The following SMYD4 variants were observed in gnomAD, a reference collection of about 807,000 sequenced individuals.
SMYD4 encodes the protein protein-lysine N-methyltransferase SMYD4.
In SMYD4, 68 loss-of-function variants were observed where a neutral mutation model predicts 72.8. That is an observed-to-expected ratio of 0.93 (90% confidence interval 0.77 to 1.14). The LOEUF is 1.14. SMYD4 is among the 50% of genes most tolerant of loss of function. The pLI is 0.00. For missense variants in SMYD4, 984 were observed against 1,003.7 expected (o/e 0.98, Z 0.27); for synonymous variants, 407 against 388.6 (o/e 1.05, Z -0.56).
chr17:1,792,242 C>T (rs1003287856), intron 5 of SMYD4, among the ~76,000 whole-genome samples: 6 of 151,844 alleles, frequency 4.0e-5, no homozygotes, highest in Admixed American at 3.3e-4. Flanking sequence ...CGGGGTTTCA[C>T]GTTAGCCAGG....
chr17:1,813,423 A>C lies in SMYD4; in HGVS notation c.135-1308T>G, dbSNP rs552649860. 9.2e-5 allele frequency among the ~76,000 whole-genome samples: 14 copies of C among 151,872 alleles called. 1 individual carries two copies. Among genetic ancestry groups the C allele is most frequent in the Non-Finnish European group, 1.6e-4 (11 of 67,896 alleles). On this transcript the variant is annotated intron_variant, in intron 2 of 10. Transcript: ENST00000305513. ...TTGGAAGAATTCACCAATTCTTTGT[A>C]CTTTTTTTTTTGGAGACAGAGTCTC... is the stretch of plus-strand genomic sequence containing the variant.
intron 7 of SMYD4, among the ~76,000 whole-genome samples, chr17:1,784,821 G>A (rs1006437572): frequency 6.6e-6 from 1 of 151,960 alleles, no homozygotes; most frequent in Non-Finnish European, 1.5e-5. Context: ...CCAGGCTGGA[G>A]TGCAGTGGTG....
intron 2 of SMYD4, among the ~76,000 whole-genome samples, chr17:1,816,812 T>C (rs78560823): frequency 0.044 from 6,619 of 151,862 alleles, 514 homozygotes; most frequent in African/African-American, 0.15. Context: ...GTTTCTCTGA[T>C]TATGAATGAT....
intron 5 of SMYD4, among the ~76,000 whole-genome samples, chr17:1,798,388 G>T (rs561896275): frequency 6.6e-6 from 1 of 152,060 alleles, no homozygotes; most frequent in East Asian, 1.9e-4. Context: ...GATTACAGGC[G>T]TACTGTGTCA....
intron 8 of SMYD4, chr17:1,783,763 T>G: frequency 2.1e-6 from 1 of 471,332 alleles, no homozygotes; most frequent in Non-Finnish European, 3.8e-6. Context: ...CGGCCATGAT[T>G]TCTCTTGACC....
chr17:1,816,633 AT>A (rs886253495), intron 2 of SMYD4, among the ~76,000 whole-genome samples: 5 of 150,232 alleles, frequency 3.3e-5, no homozygotes, highest in Admixed American at 1.3e-4. Context: ...AAAAAAAAAA[AT>A]TTTTTTTTAA....
intron 2 of SMYD4, among the ~76,000 whole-genome samples, chr17:1,815,084 G>A (rs1159492484): frequency 6.7e-6 from 1 of 149,968 alleles, no homozygotes; most frequent in Non-Finnish European, 1.5e-5. Context: ...CTTTTTTTGA[G>A]ATGGAGTCTC....
At chr17:1,806,566 C>T (rs1216035209) in intron 3 of SMYD4, among the ~76,000 whole-genome samples, 1 of 152,082 alleles carries the variant, frequency 6.6e-6, no homozygotes, top group African/African-American at 2.4e-5. Flanking sequence ...AAATGCTCAG[C>T]CTCATACAAT....
chr17:1,804,513 AG>A, intron 4 of SMYD4, 112 bp downstream of exon 4: 1 of 933,168 alleles, frequency 1.1e-6, no homozygotes, highest in Non-Finnish European at 1.7e-6. Context: ...TTCAACCAAT[AG>A]CAGCATGACA....
At chr17:1,797,978 G>A (rs1192060336) in intron 5 of SMYD4, among the ~76,000 whole-genome samples, 1 of 151,856 alleles carries the variant, frequency 6.6e-6, no homozygotes. Flanking sequence ...CTCCAGCCTG[G>A]GTGACAGGGC....
intron 5 of SMYD4, among the ~76,000 whole-genome samples, chr17:1,789,641 A>T (rs773366664): frequency 2.0e-5 from 3 of 151,346 alleles, no homozygotes; most frequent in Admixed American, 2.0e-4. Flanking sequence ...GGCGTGCACC[A>T]GTAATCCCTG....
intron 5 of SMYD4, among the ~76,000 whole-genome samples, chr17:1,797,013 C>T (rs1909442741): frequency 6.7e-6 from 1 of 149,760 alleles, no homozygotes; most frequent in Non-Finnish European, 1.5e-5. Flanking sequence ...CCAGGCCAGT[C>T]CTATTTTTAG....
At chr17:1,821,065 G>A (rs975141209) in intron 2 of SMYD4, among the ~76,000 whole-genome samples, 4 of 152,144 alleles carry the variant, frequency 2.6e-5, no homozygotes, top group African/African-American at 4.8e-5. Context: ...CAGGGGAAAC[G>A]AGAGCAGTAC....
intron 2 of SMYD4, among the ~76,000 whole-genome samples, chr17:1,816,762 T>C (rs1910620613): frequency 6.6e-6 from 1 of 151,860 alleles, no homozygotes; most frequent in African/African-American, 2.4e-5. Context: ...GGCCTTTTTG[T>C]AGGTGTGTGA....
chr17:1,817,144 T>C (rs937568184), intron 2 of SMYD4, among the ~76,000 whole-genome samples: 18 of 151,662 alleles, frequency 1.2e-4, no homozygotes, highest in Non-Finnish European at 2.5e-4. Context: ...TTCAAGTGAT[T>C]CTCCTGCCTC....
intron 5 of SMYD4, among the ~76,000 whole-genome samples, chr17:1,793,083 AATTTTTGT>A (rs925613897): frequency 2.6e-5 from 4 of 151,918 alleles, no homozygotes; most frequent in African/African-American, 7.3e-5. Context: ...ACACTCAGCT[AATTTTTGT>A]ATTTTTGTAG....
chr17:1,815,544 A>T (rs1441519866), intron 2 of SMYD4, among the ~76,000 whole-genome samples: 3 of 149,752 alleles, frequency 2.0e-5, no homozygotes, highest in Non-Finnish European at 4.4e-5. Context: ...ATATTATGAT[A>T]AAAAAATTGA....
Position 1,784,369 on chromosome 17 carries a change from C to T in SMYD4, c.1977G>A (p.Gln659=). 1 of 1,614,260 alleles carries T rather than the reference C, an allele frequency of 6.2e-7. No homozygotes were observed. Among genetic ancestry groups the T allele is most frequent in the Non-Finnish European group, 8.5e-7 (1 of 1,180,054 alleles). ...HLVSRLQDLQ[Q]QVRVAQKLLR... ...GAAGCTTCTGGGCCACTCTGACCTG[C>T]TGCTGTAGGTCCTGTAACCGAGAGA... The change falls in exon 8 of 11, where the codon CAG becomes CAA. Residue 659 remains glutamine (Q), a synonymous_variant. Coordinates refer to ENST00000305513, the MANE Select transcript of SMYD4 (RefSeq NM_052928.3).
At chr17:1,825,029 G>T (rs9914750) in intron 2 of SMYD4, among the ~76,000 whole-genome samples, 8,681 of 152,118 alleles carry the variant, frequency 0.057, 848 homozygotes, top group African/African-American at 0.2. Flanking sequence ...CCACCATGAT[G>T]GTAAGTTTCC....
Sources: allele counts gnomAD v4.1 joint callset (sites outside exome capture counted in the v4.1 genomes callset), GRCh38; gene constraint gnomAD v4.1.1; transcripts MANE v1.5; gene names NCBI Gene and HGNC (gene_info 2026-07-23, HGNC 2026-07-21).